COL23A1: variants seen among roughly 807,000 people sequenced by gnomAD.
COL23A1 encodes the protein collagen type XXIII alpha 1 chain.
A neutral mutation model predicts 99.3 loss-of-function variants in COL23A1; 97 were observed. The observed-to-expected ratio is 0.98, with a 90% confidence interval of 0.83 to 1.16. COL23A1 has a LOEUF of 1.16. Ranked by LOEUF, COL23A1 falls within the 50% of genes most tolerant of loss-of-function variation. The pLI, the probability that COL23A1 is intolerant of heterozygous loss-of-function variation, is 0.00. For missense variants in COL23A1, 762 were observed against 757.4 expected, an observed-to-expected ratio of 1.01 and a Z score of -0.07; for synonymous variants, 320 against 308.2, an observed-to-expected ratio of 1.04 and a Z score of -0.40.
intron 2 of COL23A1, among the ~76,000 whole-genome samples, chr5:178,328,013 G>A (rs192858627): frequency 6.6e-6 from 1 of 152,330 alleles, no homozygotes; most frequent in East Asian, 1.9e-4. Flanking sequence ...GAGACTGTGC[G>A]TGCCCAATTC....
intron 2 of COL23A1, among the ~76,000 whole-genome samples, chr5:178,515,949 G>A (rs570420227): frequency 1.3e-5 from 2 of 151,812 alleles, no homozygotes; most frequent in East Asian, 1.9e-4. Flanking sequence ...CCTGCCAGAC[G>A]CCTCTGCACG....
intron 2 of COL23A1, among the ~76,000 whole-genome samples, chr5:178,383,883 A>G (rs1463859971): frequency 3.3e-5 from 5 of 150,872 alleles, no homozygotes; most frequent in Admixed American, 3.3e-4. Context: ...AGAAATAGAA[A>G]AAAAAAAAAA....
At chr5:178,560,173 C>G (rs1762485730) in intron 2 of COL23A1, among the ~76,000 whole-genome samples, 1 of 152,224 alleles carries the variant, frequency 6.6e-6, no homozygotes, top group Non-Finnish European at 1.5e-5. Context: ...CCAGCAAAAC[C>G]AAAGAGAGTC....
intron 2 of COL23A1, among the ~76,000 whole-genome samples, chr5:178,435,826 G>A (rs549640456): frequency 6.6e-6 from 1 of 152,320 alleles, no homozygotes; most frequent in South Asian, 2.1e-4. Flanking sequence ...TGTCACTGAG[G>A]ACTGAGTCAG....
At position 178,522,132 on chromosome 5, in the gene COL23A1, C is replaced by A. The variant is rs147646260; in HGVS notation, c.361+38550G>T. Among the ~76,000 whole-genome samples, 111 of 152,274 alleles carry A rather than the reference C, an allele frequency of 7.3e-4. 1 individual carries two copies. Among genetic ancestry groups the A allele is most frequent in the African/African-American group, 2.6e-3 (108 of 41,566 alleles). Reference sequence around the variant, plus strand: ...AAGAAAGAACTTTGTGCCATATAAACATTAAAAACTTTCCGAGTTAACTGG... The same window carrying A: ...AAGAAAGAACTTTGTGCCATATAAAAATTAAAAACTTTCCGAGTTAACTGG... On this transcript the variant is annotated intron_variant, in intron 2 of 28. Coordinates refer to ENST00000390654, the MANE Select transcript of COL23A1 (RefSeq NM_173465.4).
intron 19 of COL23A1, 42 bp downstream of exon 19, chr5:178,249,075 C>T: frequency 6.3e-7 from 1 of 1,596,938 alleles, no homozygotes; most frequent in Non-Finnish European, 8.6e-7. Flanking sequence ...CTCAGGGCTT[C>T]CACACAGGAG....
Position 178,405,033 on chromosome 5 carries a change from G to A in COL23A1, c.362-98114C>T, listed in dbSNP as rs549613382. On this transcript the variant is annotated intron_variant, in intron 2 of 28. Transcript: ENST00000390654. ...CATCCCCATACCAGGTGCCCCTGCC[G>A]CCATGATCCCTCCTCAGGCTTGGCC... Among the ~76,000 whole-genome samples, 4 of 152,282 alleles carry A rather than the reference G, an allele frequency of 2.6e-5. No individual in the cohort carries two copies. In the East Asian group the frequency reaches 7.7e-4, roughly 29 times the overall value.
intron 2 of COL23A1, among the ~76,000 whole-genome samples, chr5:178,423,657 C>T (rs1420884451): frequency 6.6e-6 from 1 of 152,138 alleles, no homozygotes; most frequent in African/African-American, 2.4e-5. Flanking sequence ...CACACACAGC[C>T]CTGGCACGTC....
At chr5:178,279,827 C>T (rs1756791295) in intron 5 of COL23A1, among the ~76,000 whole-genome samples, 1 of 152,372 alleles carries the variant, frequency 6.6e-6, no homozygotes, top group East Asian at 1.9e-4. Context: ...CACCTCCCTT[C>T]CTCAAGGCGG....
chr5:178,445,945 C>A (rs1449193455), intron 2 of COL23A1, among the ~76,000 whole-genome samples: 2 of 152,004 alleles, frequency 1.3e-5, no homozygotes, highest in Admixed American at 1.3e-4. Context: ...CTGGAAGGGG[C>A]TGAAATGTCT....
intron 3 of COL23A1, among the ~76,000 whole-genome samples, chr5:178,296,555 C>T (rs924336496): frequency 1.3e-5 from 2 of 152,130 alleles, no homozygotes; most frequent in African/African-American, 4.8e-5. Flanking sequence ...CCTTTCTTGG[C>T]CACGCCGTTT....
intron 2 of COL23A1, among the ~76,000 whole-genome samples, chr5:178,557,207 G>A (rs1041867046): frequency 2.0e-5 from 3 of 152,182 alleles, no homozygotes; most frequent in Non-Finnish European, 2.9e-5. Flanking sequence ...CCTCTGGTCT[G>A]TGCGTCTCTG....
In COL23A1 at chr5:178,520,469, C is replaced by T. The variant is rs186151103; in HGVS notation, c.361+40213G>A. Among the ~76,000 whole-genome samples the T allele has an allele frequency of 3.9e-5, 6 of 152,248 alleles. No homozygotes were observed. The East Asian group carries it at 9.6e-4, about 24-fold the overall frequency. Reference sequence around the variant, plus strand: ...GGACAAAAGCTAGGCCATTTTGGACCAGGGCTCAGGGCTCTGTCGATGTGT... The same window carrying T: ...GGACAAAAGCTAGGCCATTTTGGACTAGGGCTCAGGGCTCTGTCGATGTGT... On this transcript the variant is annotated intron_variant, in intron 2 of 28. Coordinates refer to ENST00000390654, the MANE Select transcript of COL23A1 (RefSeq NM_173465.4).
intron 2 of COL23A1, among the ~76,000 whole-genome samples, chr5:178,362,297 G>A (rs867430657): frequency 3.3e-5 from 5 of 152,240 alleles, no homozygotes; most frequent in Admixed American, 2.0e-4. Context: ...TCCGAATAGC[G>A]GCTCAACCAC....
At position 178,357,736 on chromosome 5, in the gene COL23A1, G is replaced by GTGTGTATGTA. The variant is rs1353482179; in HGVS notation, c.362-50818_362-50817insTACATACACA. Among the ~76,000 whole-genome samples the GTGTGTATGTA allele has an allele frequency of 4.0e-3, 600 of 150,120 alleles. 5 individuals carry two copies. Among genetic ancestry groups the GTGTGTATGTA allele is most frequent in the Non-Finnish European group, 6.2e-3 (420 of 67,490 alleles). The stretch of plus-strand genomic sequence containing the variant: ...TGTGTGTATGTGTGTGTGTGTGTGT[G>GTGTGTATGTA]TATGTACGTGTATGTGTGTGTGTAC... On this transcript the variant is annotated intron_variant, in intron 2 of 28. Coordinates refer to ENST00000390654, the MANE Select transcript of COL23A1 (RefSeq NM_173465.4).
At chr5:178,460,712 G>A (rs911999173) in intron 2 of COL23A1, among the ~76,000 whole-genome samples, 2 of 152,148 alleles carry the variant, frequency 1.3e-5, no homozygotes, top group Non-Finnish European at 2.9e-5. Flanking sequence ...CCTTTGCCCT[G>A]CTTTTCTTAT....
intron 2 of COL23A1, among the ~76,000 whole-genome samples, chr5:178,405,300 G>A (rs543220595): frequency 1.3e-5 from 2 of 152,344 alleles, no homozygotes; most frequent in South Asian, 4.1e-4. Context: ...AGTTTAAGTT[G>A]TTACATGTTT....
intron 2 of COL23A1, among the ~76,000 whole-genome samples, chr5:178,325,092 A>C (rs1238001662): frequency 6.6e-6 from 1 of 152,238 alleles, no homozygotes; most frequent in Non-Finnish European, 1.5e-5. Context: ...AAAGTCACGC[A>C]GTCAGGAAGA....
chr5:178,314,967 A>G (rs546290022), intron 2 of COL23A1, among the ~76,000 whole-genome samples: 14 of 152,256 alleles, frequency 9.2e-5, no homozygotes, highest in Non-Finnish European at 2.1e-4. Flanking sequence ...TCTTCTTGGC[A>G]TTTGTTAAGC....
Sources: allele counts gnomAD v4.1 joint callset (sites outside exome capture counted in the v4.1 genomes callset), GRCh38; gene constraint gnomAD v4.1.1; transcripts MANE v1.5; gene names NCBI Gene and HGNC (gene_info 2026-07-23, HGNC 2026-07-21).